The following SMURF2 variants were observed in gnomAD, a reference collection of about 807,000 sequenced individuals.
SMURF2 encodes the protein E3 ubiquitin-protein ligase SMURF2.
A neutral mutation model predicts 109.6 loss-of-function variants in SMURF2; 48 were observed. The observed-to-expected ratio is 0.44, with a 90% CI of 0.35 to 0.56. The LOEUF is 0.56. Among genes scored for constraint, SMURF2 ranks in the 20% least tolerant of loss-of-function variants. SMURF2 has a pLI of 0.01. For missense variants in SMURF2, 575 were observed against 909.0 expected (o/e 0.63, Z 4.72); for synonymous variants, 288 against 317.1 (o/e 0.91, Z 0.97).
At chr17:64,603,925 C>T (rs953830782) in intron 2 of SMURF2, among the ~76,000 whole-genome samples, 3 of 152,132 alleles carry the variant, frequency 2.0e-5, no homozygotes, top group Admixed American at 1.3e-4. Context: ...ACCCTATAGT[C>T]GTACTTTGTA....
intron 1 of SMURF2, among the ~76,000 whole-genome samples, chr17:64,633,330 T>G (rs1014878972): frequency 6.6e-6 from 1 of 152,180 alleles, no homozygotes; most frequent in Non-Finnish European, 1.5e-5. Context: ...ATCCAGGTAC[T>G]GGGAGTCAAT....
At chr17:64,653,226 A>C (rs1243235999) in intron 1 of SMURF2, among the ~76,000 whole-genome samples, 1 of 152,188 alleles carries the variant, frequency 6.6e-6, no homozygotes, top group Non-Finnish European at 1.5e-5. Flanking sequence ...ATCCAATTTT[A>C]AAACATGAAC....
chr17:64,604,322 A>AGG, intron 2 of SMURF2, among the ~76,000 whole-genome samples: 1 of 152,136 alleles, frequency 6.6e-6, no homozygotes, highest in South Asian at 2.1e-4. Context: ...CCCTAAAGCA[A>AGG]GTTCACACTC....
chr17:64,552,601 G>A (rs782429198), intron 15 of SMURF2, among the ~76,000 whole-genome samples: 2 of 152,164 alleles, frequency 1.3e-5, no homozygotes, highest in Non-Finnish European at 2.9e-5. Context: ...CTGTAAACAC[G>A]ACTGAACCCT....
chr17:64,647,456 G>A (rs1193835700), intron 1 of SMURF2, among the ~76,000 whole-genome samples: 3 of 152,096 alleles, frequency 2.0e-5, no homozygotes, highest in African/African-American at 4.8e-5. Flanking sequence ...TGAAGCGGGC[G>A]GACCTGAGGT....
At chr17:64,564,642 G>C (rs1969275695) in intron 10 of SMURF2, among the ~76,000 whole-genome samples, 1 of 152,176 alleles carries the variant, frequency 6.6e-6, no homozygotes, top group Non-Finnish European at 1.5e-5. Context: ...ACTATGGGAG[G>C]ACAGAAGACA....
intron 1 of SMURF2, among the ~76,000 whole-genome samples, chr17:64,652,709 C>T (rs1321075603): frequency 6.6e-6 from 1 of 152,170 alleles, no homozygotes; most frequent in African/African-American, 2.4e-5. Flanking sequence ...TGGTCTAGAA[C>T]TCCTGACCTC....
At chr17:64,554,778 C>T (rs1969096524) in intron 15 of SMURF2, 78 bp downstream of exon 15, 11 of 1,370,698 alleles carry the variant, frequency 8.0e-6, no homozygotes, top group Non-Finnish European at 1.1e-5. Context: ...GTAGTACTAT[C>T]TAAATATTTA....
Position 64,578,472 on chromosome 17 carries a change from T to G in SMURF2, c.857+20A>C. On this transcript the variant is annotated intron_variant, in intron 9 of 18. Transcript: ENST00000262435. ...AATGGCTCTTTGATGGTCTAAAGAG[T>G]GCTTAAAATACGTTCTTACCTGGGC... The G allele has an allele frequency of 1.3e-6, 2 of 1,537,128 alleles. No individual in the cohort carries two copies. The highest frequency in any genetic ancestry group is 1.8e-6 in the Non-Finnish European group (2 of 1,111,774).
chr17:64,588,306 C>T (rs1969696151), intron 5 of SMURF2, among the ~76,000 whole-genome samples: 1 of 151,868 alleles, frequency 6.6e-6, no homozygotes, highest in African/African-American at 2.4e-5. Flanking sequence ...GTTTGTACTC[C>T]TTGAATCAAT....
chr17:64,572,314 A>C (rs533687006), intron 9 of SMURF2, among the ~76,000 whole-genome samples: 1 of 152,314 alleles, frequency 6.6e-6, no homozygotes, highest in South Asian at 2.1e-4. Flanking sequence ...TGACATAAAG[A>C]ATTAAATGCT....
chr17:64,616,570 A>C (rs1337442596), intron 1 of SMURF2, among the ~76,000 whole-genome samples: 1 of 149,506 alleles, frequency 6.7e-6, no homozygotes, highest in Non-Finnish European at 1.5e-5. Context: ...AGAAAAATCC[A>C]CTTGAACCCA....
intron 2 of SMURF2, among the ~76,000 whole-genome samples, chr17:64,601,816 C>T (rs148392246): frequency 6.6e-5 from 10 of 151,198 alleles, no homozygotes; most frequent in African/African-American, 1.9e-4. Flanking sequence ...TATCAATCAA[C>T]GAGTGGGTAA....
chr17:64,608,312 T>G (rs918059919), intron 1 of SMURF2, among the ~76,000 whole-genome samples: 1 of 152,096 alleles, frequency 6.6e-6, no homozygotes, highest in Admixed American at 6.5e-5. Flanking sequence ...AAAAACCTTT[T>G]GAAAACAGAT....
At chr17:64,595,597 A>T (rs1969805662) in intron 3 of SMURF2, among the ~76,000 whole-genome samples, 3 of 152,326 alleles carry the variant, frequency 2.0e-5, no homozygotes, top group Admixed American at 2.0e-4. Context: ...CAAAATATGT[A>T]CTCAGGATTT....
chr17:64,584,163 C>A (rs1440325540), intron 6 of SMURF2, among the ~76,000 whole-genome samples: 6 of 151,124 alleles, frequency 4.0e-5, no homozygotes, highest in Admixed American at 2.0e-4. Flanking sequence ...ATTAAAAATA[C>A]AAAAATTAGC....
Position 64,547,863 on chromosome 17 carries a change from A to G in SMURF2, c.1870-62T>C, listed in dbSNP as rs1968981618. ...CCACAGCCAGACCAAAAATTCCTCAAAAGAGAACTTTAGGTTTGTACTGCT... is the reference window on the plus strand; with the variant it reads ...CCACAGCCAGACCAAAAATTCCTCAGAAGAGAACTTTAGGTTTGTACTGCT... On this transcript the variant is annotated intron_variant, in intron 16 of 18. Coordinates refer to ENST00000262435, the MANE Select transcript of SMURF2 (RefSeq NM_022739.4). The surrounding 1 kb of genome is among the most constrained non-coding windows in gnomAD (Gnocchi z 4.2). 3 of 1,459,058 alleles carry G rather than the reference A, an allele frequency of 2.1e-6. No individual in the cohort carries two copies. The highest frequency in any genetic ancestry group is 2.9e-6 in the Non-Finnish European group (3 of 1,041,728). 90.4% of individuals were successfully genotyped at this position (1,459,058 alleles called of 1,614,324 possible).
chr17:64,557,118 G>A (rs1555684106), intron 13 of SMURF2, among the ~76,000 whole-genome samples: 1 of 152,182 alleles, frequency 6.6e-6, no homozygotes, highest in African/African-American at 2.4e-5. Flanking sequence ...TAGAGTTGTA[G>A]AGTGAATAAC....
chr17:64,569,236 G>A (rs1452148352), intron 10 of SMURF2, among the ~76,000 whole-genome samples: 1 of 151,982 alleles, frequency 6.6e-6, no homozygotes, highest in Non-Finnish European at 1.5e-5. Flanking sequence ...GGGATGTGGA[G>A]GTTGCAGTGA....
Sources: gnomAD v4.1 joint callset for allele counts (sites outside exome capture counted in the v4.1 genomes callset) on GRCh38, gnomAD v4.1.1 for gene constraint, Gnocchi (gnomAD v3.1) non-coding constraint, MANE v1.5 for transcripts, NCBI Gene and HGNC (gene_info 2026-07-23, HGNC 2026-07-21) for gene names.